Variants in RASA3 observed in about 807,000 individuals in gnomAD.
RASA3 encodes ras GTPase-activating protein 3.
RASA3 carries 73 observed loss-of-function variants against 110.0 expected under a neutral mutation model. That is an observed-to-expected ratio of 0.66 (90% confidence interval 0.55 to 0.81). RASA3 has a LOEUF of 0.81. RASA3 is among the 30% of genes least tolerant of loss of function. The pLI, the probability that RASA3 is intolerant of heterozygous loss-of-function variation, is 0.00. For missense variants in RASA3, 976 were observed against 1,113.2 expected (o/e 0.88, Z 1.75); for synonymous variants, 500 against 451.4 (o/e 1.11, Z -1.37).
intron 1 of RASA3, among the ~76,000 whole-genome samples, chr13:114,100,654 C>T (rs1594456013): frequency 6.6e-6 from 1 of 152,218 alleles, no homozygotes; most frequent in East Asian, 1.9e-4. Context: ...AAAGCACATC[C>T]CACACCAGGA....
At chr13:114,021,829 T>C (rs1440226224) in intron 8 of RASA3, among the ~76,000 whole-genome samples, 2 of 151,602 alleles carry the variant, frequency 1.3e-5, no homozygotes, top group African/African-American at 4.9e-5. Context: ...GACCCCAGGC[T>C]CTTACATAGG....
intron 1 of RASA3, among the ~76,000 whole-genome samples, chr13:114,106,111 A>G (rs1317229649): frequency 6.6e-6 from 1 of 152,226 alleles, no homozygotes. Context: ...GGATGGGCGC[A>G]TGGCAGAGCG....
chr13:114,031,553 T>C (rs1192712194), intron 4 of RASA3, among the ~76,000 whole-genome samples: 1 of 151,678 alleles, frequency 6.6e-6, no homozygotes, highest in Admixed American at 6.6e-5. Context: ...TGTGTGTTTG[T>C]CCGCCTGTCT....
chr13:114,066,075 C>T (rs960202929), intron 2 of RASA3, among the ~76,000 whole-genome samples: 29 of 152,010 alleles, frequency 1.9e-4, no homozygotes, highest in Admixed American at 1.3e-4. Flanking sequence ...ACACACCACA[C>T]GCCACACACC....
chr13:114,027,312 A>G, intron 7 of RASA3, 77 bp downstream of exon 7: 1 of 1,231,220 alleles, frequency 8.1e-7, no homozygotes, highest in Non-Finnish European at 1.2e-6. Flanking sequence ...GACTGAGATC[A>G]TTCTGGATCC....
chr13:114,108,418 C>T (rs535708741), intron 1 of RASA3, among the ~76,000 whole-genome samples: 6 of 134,568 alleles, frequency 4.5e-5, no homozygotes, highest in Non-Finnish European at 8.1e-5. Context: ...TCCATCACCC[C>T]GCGTCCATCA....
chr13:114,061,608 C>T (rs1401407408), intron 2 of RASA3, among the ~76,000 whole-genome samples: 1 of 146,776 alleles, frequency 6.8e-6, no homozygotes, highest in African/African-American at 2.5e-5. Context: ...ACCTGGGAGG[C>T]GGAGGTTGCA....
intron 7 of RASA3, among the ~76,000 whole-genome samples, chr13:114,026,920 A>C (rs1233017911): frequency 6.6e-6 from 1 of 152,098 alleles, no homozygotes; most frequent in Non-Finnish European, 1.5e-5. Context: ...TTCTGAGAGG[A>C]TCTCTGTGTC....
At chr13:113,989,605 C>T (rs1435528071) in intron 22 of RASA3, among the ~76,000 whole-genome samples, 1 of 151,124 alleles carries the variant, frequency 6.6e-6, no homozygotes, top group Non-Finnish European at 1.5e-5. Context: ...AGTCCATCCT[C>T]TCATCACTCA....
At chr13:114,032,237 T>A (rs1404747828) in intron 4 of RASA3, among the ~76,000 whole-genome samples, 1 of 152,126 alleles carries the variant, frequency 6.6e-6, no homozygotes, top group African/African-American at 2.4e-5. Flanking sequence ...CCGGCTCTAT[T>A]CTGAATTTCT....
intron 14 of RASA3, among the ~76,000 whole-genome samples, chr13:114,013,528 CTCTG>C (rs1472320689): frequency 3.2e-4 from 46 of 143,848 alleles, no homozygotes; most frequent in African/African-American, 1.0e-3. Flanking sequence ...TCTCTCATCT[CTCTG>C]TCTCTCTCCC....
chr13:114,017,088 G>A (rs935075229), intron 12 of RASA3, 149 bp downstream of exon 12: 9 of 690,402 alleles, frequency 1.3e-5, no homozygotes, highest in South Asian at 3.3e-5. Context: ...CTTGATAAAA[G>A]TGAATGAATC....
chr13:113,989,521 C>T (rs1486340388), intron 22 of RASA3, among the ~76,000 whole-genome samples: 5 of 144,316 alleles, frequency 3.5e-5, no homozygotes, highest in Admixed American at 6.9e-5. Flanking sequence ...CTCACCCATC[C>T]GTCCATCCAC....
intron 1 of RASA3, among the ~76,000 whole-genome samples, chr13:114,079,331 C>T (rs751825298): frequency 6.6e-6 from 1 of 152,156 alleles, no homozygotes; most frequent in Admixed American, 6.5e-5. Flanking sequence ...CATGGTCCAG[C>T]GAAAGCAACC....
chr13:114,001,694 T>C (rs1397487645), intron 18 of RASA3, among the ~76,000 whole-genome samples: 6 of 133,614 alleles, frequency 4.5e-5, no homozygotes, highest in Non-Finnish European at 6.3e-5. Flanking sequence ...CAGCGGACGC[T>C]CACACACGGA....
chr13:113,979,840 C>T (rs965610599), intron 23 of RASA3, among the ~76,000 whole-genome samples: 3 of 151,772 alleles, frequency 2.0e-5, no homozygotes, highest in Non-Finnish European at 4.4e-5. Context: ...CCCACATGCA[C>T]ACCTCCCTCA....
chr13:114,014,112 C>T lies in RASA3; in HGVS notation c.1406-864G>A, dbSNP rs918981401. ...TCTCTCTCCGTCTCTCCCTGTCTCT[C>T]TCTCTCTCTCCTTGTCTCTCTCTGT... is the stretch of plus-strand genomic sequence containing the variant. On this transcript the variant is annotated intron_variant, in intron 14 of 23. Transcript: ENST00000334062. The surrounding 1 kb of genome is among the most constrained non-coding windows in gnomAD (Gnocchi z 4.5). Among the ~76,000 whole-genome samples, 2 of 150,630 alleles carry T rather than the reference C, an allele frequency of 1.3e-5. No homozygotes were observed. The highest frequency in any genetic ancestry group is 1.4e-4 in the Admixed American group (2 of 14,716).
chr13:114,125,598 G>A (rs541534604), intron 1 of RASA3, among the ~76,000 whole-genome samples: 48 of 152,166 alleles, frequency 3.2e-4, no homozygotes, highest in African/African-American at 1.2e-3. Flanking sequence ...GTGACAGTTC[G>A]ACAGGAGATT....
At chr13:114,009,351 G>C (rs757422258) in intron 17 of RASA3, 36 bp downstream of exon 17, 25 of 1,520,938 alleles carry the variant, frequency 1.6e-5, no homozygotes, top group Non-Finnish European at 2.3e-5. Context: ...TCCTGAGCAC[G>C]GCACACGGGC....
Sources: gnomAD v4.1 joint callset for allele counts (sites outside exome capture counted in the v4.1 genomes callset) on GRCh38, gnomAD v4.1.1 for gene constraint, Gnocchi (gnomAD v3.1) non-coding constraint, MANE v1.5 for transcripts, NCBI Gene and HGNC (gene_info 2026-07-23, HGNC 2026-07-21) for gene names.